Variants in CD109 observed in about 807,000 individuals in gnomAD.
CD109 encodes CD109 molecule.
Under a neutral mutation model 165.8 loss-of-function variants are expected in CD109, and 149 were observed. The observed-to-expected ratio is 0.90, with a 90% CI of 0.79 to 1.03. CD109 has a LOEUF of 1.03. Among genes scored for constraint, CD109 ranks in the 50% least tolerant of loss-of-function variants. The pLI is 0.00. For synonymous variants in CD109, 585 were observed against 592.1 expected (o/e 0.99, Z 0.18); for missense variants, 1,712 against 1,677.8 (o/e 1.02, Z -0.36).
the CD109 span, among the ~76,000 whole-genome samples, chr6:73,681,638 TG>T: frequency 6.6e-6 from 1 of 151,268 alleles, no homozygotes; most frequent in Non-Finnish European, 1.5e-5. Flanking sequence ...GTTTCGCTTT[TG>T]TCACCCAGGC....
chr6:73,758,854 G>A (rs1013492279), intron 6 of CD109, 90 bp from the exon 7 acceptor site: 2 of 709,466 alleles, frequency 2.8e-6, no homozygotes, highest in Non-Finnish European at 5.0e-6. Flanking sequence ...TTCAGTGGAA[G>A]ATGATAGTGA....
chr6:73,738,105 G>C (rs995249525), intron 5 of CD109, among the ~76,000 whole-genome samples: 1 of 152,190 alleles, frequency 6.6e-6, no homozygotes, highest in Non-Finnish European at 1.5e-5. Context: ...ACATAAGGGG[G>C]ACAGACAAAC....
the CD109 span, among the ~76,000 whole-genome samples, chr6:73,686,589 A>G: frequency 6.6e-6 from 1 of 152,232 alleles, no homozygotes; most frequent in Admixed American, 6.5e-5. Context: ...TGCTGAGTCT[A>G]TACAATCCAA....
At chr6:73,714,350 G>A (rs1205954274) in intron 2 of CD109, among the ~76,000 whole-genome samples, 1 of 152,182 alleles carries the variant, frequency 6.6e-6, no homozygotes, top group Non-Finnish European at 1.5e-5. Flanking sequence ...ATTGACGTGG[G>A]GTATGAAGGT....
intron 7 of CD109, 34 bp downstream of exon 7, chr6:73,759,062 A>T: frequency 7.4e-7 from 1 of 1,346,858 alleles, no homozygotes; most frequent in Non-Finnish European, 1.1e-6. Context: ...ATGACTCAAA[A>T]CCATTATAAA....
chr6:73,737,967 C>T (rs140789993), intron 5 of CD109, among the ~76,000 whole-genome samples: 69 of 152,158 alleles, frequency 4.5e-4, no homozygotes, highest in African/African-American at 1.4e-3. Flanking sequence ...TATCCACCCA[C>T]CCACCCACCA....
chr6:73,708,503 G>T (rs1771391592), intron 2 of CD109, among the ~76,000 whole-genome samples: 1 of 152,062 alleles, frequency 6.6e-6, no homozygotes, highest in African/African-American at 2.4e-5. Flanking sequence ...TAGTCCTTTG[G>T]GTATATACCC....
rs893649464 is a variant in CD109 at position 73,825,312 on chromosome 6, T to C, written c.*1679T>C. 1 of 152,198 alleles carries C rather than the reference T, an allele frequency of 6.6e-6. No homozygotes were observed. The highest frequency in any genetic ancestry group is 1.5e-5 in the Non-Finnish European group (1 of 68,028). The allele number at this position is 152,198 out of a possible 1,614,324, so 9.4% of individuals were successfully genotyped here. A position where few individuals can be genotyped will look rare whatever the true frequency, so the allele number is the denominator to read the frequency against. On this transcript the variant is annotated 3_prime_UTR_variant, in exon 33 of 33. Coordinates refer to ENST00000287097, the MANE Select transcript of CD109 (RefSeq NM_133493.5). ...TCTTAAGTGGGGAAAAGTTTCTAGA[T>C]CTCTTACACCTCTGACACAATCTGT...
chr6:73,767,323 C>G (rs1773890201), intron 13 of CD109, among the ~76,000 whole-genome samples: 1 of 152,108 alleles, frequency 6.6e-6, no homozygotes, highest in Non-Finnish European at 1.5e-5. Context: ...TTTTCTGTTC[C>G]TGCATTAGTT....
chr6:73,762,844 C>G lies in CD109; in HGVS notation c.959C>G (p.Pro320Arg). The change falls in exon 9 of 33, where the codon CCA becomes CGA. Residue 320 changes from proline to arginine, a missense_variant. Coordinates refer to ENST00000287097, the MANE Select transcript of CD109 (RefSeq NM_133493.5). ...SEYLDLSSPG[P>R]VEILTTVTES... ...TACCTGGATCTATCTTCCCCTGGAC[C>G]AGTAGAAATTTTAACCACAGTGACA... is the stretch of plus-strand genomic sequence containing the variant. 2 of 1,612,452 alleles carry G rather than the reference C, an allele frequency of 1.2e-6. No individual in the cohort carries two copies. Among genetic ancestry groups the G allele is most frequent in the Non-Finnish European group, 1.7e-6 (2 of 1,179,458 alleles).
At chr6:73,782,078 C>G (rs896388041) in intron 17 of CD109, among the ~76,000 whole-genome samples, 4 of 152,190 alleles carry the variant, frequency 2.6e-5, no homozygotes, top group South Asian at 2.1e-4. Flanking sequence ...AGAACTGTCA[C>G]AGTTTCTATC....
chr6:73,716,395 A>G (rs1314436253), intron 2 of CD109, among the ~76,000 whole-genome samples: 1 of 152,180 alleles, frequency 6.6e-6, no homozygotes, highest in East Asian at 1.9e-4. Context: ...CATTTCCATC[A>G]ACAGTGTATG....
intron 15 of CD109, among the ~76,000 whole-genome samples, chr6:73,778,928 T>C (rs1381712116): frequency 6.6e-6 from 1 of 152,206 alleles, no homozygotes; most frequent in Admixed American, 6.5e-5. Context: ...GTTAAATATA[T>C]ATAAAATAAA....
upstream of CD109, chr6:73,696,107 A>G (rs1016045379): frequency 1.2e-5 from 13 of 1,068,512 alleles, no homozygotes; most frequent in African/African-American, 4.9e-5. Flanking sequence ...CAGATTACTA[A>G]ACTCGAATTA....
At chr6:73,738,532 A>G (rs1875367) in intron 5 of CD109, among the ~76,000 whole-genome samples, 48,499 of 152,206 alleles carry the variant, frequency 0.32, 7,732 homozygotes, top group Admixed American at 0.36. Context: ...AGAGGGGGAT[A>G]GAATAGCAGA....
chr6:73,769,719 C>G (rs1242620996), intron 14 of CD109, among the ~76,000 whole-genome samples: 1 of 152,100 alleles, frequency 6.6e-6, no homozygotes, highest in Non-Finnish European at 1.5e-5. Flanking sequence ...TAGAAATCAT[C>G]CACACAGAAG....
At chr6:73,716,295 A>T (rs1427790643) in intron 2 of CD109, among the ~76,000 whole-genome samples, 1 of 152,212 alleles carries the variant, frequency 6.6e-6, no homozygotes, top group African/African-American at 2.4e-5. Flanking sequence ...GTATATACTC[A>T]GCAGTGGGAT....
intron 3 of CD109, among the ~76,000 whole-genome samples, chr6:73,726,975 AG>A (rs1352599142): frequency 1.3e-5 from 2 of 152,162 alleles, no homozygotes; most frequent in African/African-American, 4.8e-5. Context: ...TCACTTATCA[AG>A]GAACAGCTTT....
chr6:73,681,099 T>C, the CD109 span, among the ~76,000 whole-genome samples: 1 of 152,164 alleles, frequency 6.6e-6, no homozygotes, highest in Non-Finnish European at 1.5e-5. Context: ...GTAAGACAAG[T>C]TGGTAGTTAC....
Sources: allele counts gnomAD v4.1 joint callset (sites outside exome capture counted in the v4.1 genomes callset), GRCh38; gene constraint gnomAD v4.1.1; transcripts MANE v1.5; gene names NCBI Gene and HGNC (gene_info 2026-07-23, HGNC 2026-07-21).